MAML2: variants seen among roughly 807,000 people sequenced by gnomAD.
MAML2 encodes the protein mastermind like transcriptional coactivator 2.
A neutral mutation model predicts 96.1 loss-of-function variants in MAML2; 22 were observed. The ratio of observed to expected loss-of-function variants is 0.23; its 90% CI spans 0.16 to 0.33. The LOEUF (loss-of-function observed/expected upper bound fraction) is 0.33. Ranked by LOEUF, MAML2 falls within the 10% of genes least tolerant of loss-of-function variation. MAML2 has a pLI of 1.00. For synonymous variants in MAML2, 561 were observed against 521.3 expected, an observed-to-expected ratio of 1.08 and a Z score of -1.04; for missense variants, 1,367 against 1,392.4, an observed-to-expected ratio of 0.98 and a Z score of 0.29.
intron 1 of MAML2, among the ~76,000 whole-genome samples, chr11:96,214,138 A>G (rs1443049375): frequency 6.6e-6 from 1 of 152,258 alleles, no homozygotes; most frequent in Non-Finnish European, 1.5e-5. Context: ...ATTGATGCTC[A>G]GAATTTCTAT....
rs7930268 is a variant in MAML2 at position 95,978,284 on chromosome 11, T to C, written c.*664A>G. 4.9e-6 allele frequency: 1 copy of C among 202,292 alleles called. No homozygotes were observed. Among genetic ancestry groups the C allele is most frequent in the Admixed American group, 6.0e-5 (1 of 16,664 alleles). The allele number at this position is 202,292 out of a possible 1,614,324, so 12.5% of individuals were successfully genotyped here. ...GCCAAAATCAAATTGCACAGCTCTA[T>C]ATTTTTGTTTAATCACTAGACACAG... On this transcript the variant is annotated 3_prime_UTR_variant, in exon 5 of 5. Transcript: ENST00000524717.
At chr11:96,286,563 A>G (rs1863143405) in intron 1 of MAML2, among the ~76,000 whole-genome samples, 1 of 152,176 alleles carries the variant, frequency 6.6e-6, no homozygotes, top group African/African-American at 2.4e-5. Flanking sequence ...AGTATATAAG[A>G]AGGGCCTAGA....
chr11:96,015,839 T>A (rs1858343031), intron 2 of MAML2, among the ~76,000 whole-genome samples: 1 of 152,124 alleles, frequency 6.6e-6, no homozygotes, highest in Non-Finnish European at 1.5e-5. Flanking sequence ...AATGTAGGGA[T>A]TAAAGGAGAG....
At chr11:96,185,694 T>C (rs1273759410) in intron 1 of MAML2, among the ~76,000 whole-genome samples, 1 of 152,206 alleles carries the variant, frequency 6.6e-6, no homozygotes, top group African/African-American at 2.4e-5. Context: ...TCTCAGGTGA[T>C]TTGCATGTTA....
At chr11:96,263,426 A>G (rs996964155) in intron 1 of MAML2, among the ~76,000 whole-genome samples, 3 of 152,382 alleles carry the variant, frequency 2.0e-5, no homozygotes, top group Admixed American at 1.3e-4. Flanking sequence ...AGTCATTGTT[A>G]TTTCACAATA....
intron 1 of MAML2, among the ~76,000 whole-genome samples, chr11:96,314,634 C>T (rs548911382): frequency 2.6e-5 from 4 of 152,110 alleles, no homozygotes; most frequent in Non-Finnish European, 5.9e-5. Flanking sequence ...CACAGGGAAA[C>T]GGGAAAATAG....
At chr11:96,211,833 G>A (rs1861976912) in intron 1 of MAML2, among the ~76,000 whole-genome samples, 1 of 152,112 alleles carries the variant, frequency 6.6e-6, no homozygotes, top group Non-Finnish European at 1.5e-5. Context: ...GATCAACAAA[G>A]ATAAAATTCA....
intron 1 of MAML2, among the ~76,000 whole-genome samples, chr11:96,267,190 C>A (rs1347452157): frequency 2.6e-5 from 4 of 152,136 alleles, no homozygotes; most frequent in Non-Finnish European, 4.4e-5. Flanking sequence ...CAGTGCCAAG[C>A]TGATGAGTAA....
At chr11:96,241,768 G>A (rs1475707866) in intron 1 of MAML2, among the ~76,000 whole-genome samples, 1 of 152,076 alleles carries the variant, frequency 6.6e-6, no homozygotes, top group Non-Finnish European at 1.5e-5. Flanking sequence ...CAAACCAATG[G>A]GCCCTTGGTT....
chr11:95,978,756 C>G lies in MAML2; in HGVS notation c.*192G>C. The stretch of plus-strand genomic sequence containing the variant: ...AGGGAAAAGTGATCCCAATATTTTA[C>G]TTTCAGGTGTAAGATTTAAAACAAG... On this transcript the variant is annotated 3_prime_UTR_variant, in exon 5 of 5. Coordinates refer to ENST00000524717, the MANE Select transcript of MAML2 (RefSeq NM_032427.4). 1.7e-6 allele frequency: 1 copy of G among 576,704 alleles called. No homozygotes were observed. The highest frequency in any genetic ancestry group is 3.0e-6 in the Non-Finnish European group (1 of 334,344). The allele number at this position is 576,704 out of a possible 1,614,324, so 35.7% of individuals were successfully genotyped here.
At chr11:96,282,256 A>T (rs12787815) in intron 1 of MAML2, among the ~76,000 whole-genome samples, 37,370 of 147,678 alleles carry the variant, frequency 0.25, 5,011 homozygotes, top group Middle Eastern at 0.29. Context: ...CTCAAAAAAA[A>T]AATAATAATA....
intron 1 of MAML2, among the ~76,000 whole-genome samples, chr11:96,151,012 A>T (rs1295556313): frequency 6.6e-6 from 1 of 152,246 alleles, no homozygotes; most frequent in African/African-American, 2.4e-5. Flanking sequence ...CTGAATGCAC[A>T]TTAAAGTCTG....
chr11:96,286,810 C>T (rs1261088189), intron 1 of MAML2, among the ~76,000 whole-genome samples: 2 of 152,056 alleles, frequency 1.3e-5, no homozygotes, highest in Non-Finnish European at 2.9e-5. Context: ...CCTCATCTAA[C>T]CTGTTTCATA....
chr11:96,117,831 A>T (rs75369465), intron 1 of MAML2, among the ~76,000 whole-genome samples: 1 of 151,902 alleles, frequency 6.6e-6, no homozygotes, highest in Non-Finnish European at 1.5e-5. Flanking sequence ...CCTGGAAAAG[A>T]ACTAAAAAAT....
At chr11:96,148,080 T>C (rs1860848841) in intron 1 of MAML2, among the ~76,000 whole-genome samples, 2 of 152,236 alleles carry the variant, frequency 1.3e-5, no homozygotes, top group Admixed American at 1.3e-4. Flanking sequence ...TCATCTCTCC[T>C]GCGTATACAC....
chr11:96,319,479 G>T (rs542236475), intron 1 of MAML2, among the ~76,000 whole-genome samples: 1 of 152,148 alleles, frequency 6.6e-6, no homozygotes, highest in East Asian at 1.9e-4. Context: ...CATGGCAACT[G>T]GAAACTATCT....
In MAML2 at chr11:95,977,738, A is replaced by G. The variant is rs1457553857; in HGVS notation, c.*1210T>C. Reference sequence around the variant, plus strand: ...ATGAAGAGTCCATCTAGCATGTGGCAATGATTCATCACATCAGGGACAAAA... The same window carrying G: ...ATGAAGAGTCCATCTAGCATGTGGCGATGATTCATCACATCAGGGACAAAA... On this transcript the variant is annotated 3_prime_UTR_variant, in exon 5 of 5. Transcript: ENST00000524717. 2 of 224,160 alleles carry G rather than the reference A, an allele frequency of 8.9e-6. No homozygotes were observed. The highest frequency in any genetic ancestry group is 2.2e-5 in the African/African-American group (1 of 44,898). The allele number at this position is 224,160 out of a possible 1,614,324, so 13.9% of individuals were successfully genotyped here.
chr11:96,330,706 C>T (rs114730933), intron 1 of MAML2, among the ~76,000 whole-genome samples: 317 of 152,244 alleles, frequency 2.1e-3, no homozygotes, highest in African/African-American at 6.9e-3. Context: ...TGATTAGAGT[C>T]GGGGCACCTT....
At chr11:95,986,680 G>A (rs1206374323) in intron 3 of MAML2, among the ~76,000 whole-genome samples, 2 of 152,110 alleles carry the variant, frequency 1.3e-5, no homozygotes, top group African/African-American at 4.8e-5. Flanking sequence ...GCCTTGTTAG[G>A]CTAAGTAACT....
Sources: gnomAD v4.1 joint callset for allele counts (sites outside exome capture counted in the v4.1 genomes callset) on GRCh38, gnomAD v4.1.1 for gene constraint, MANE v1.5 for transcripts, NCBI Gene and HGNC (gene_info 2026-07-23, HGNC 2026-07-21) for gene names.